Variants in C5orf22 observed in about 807,000 individuals in gnomAD.
The protein encoded by C5orf22 is UPF0489 protein C5orf22.
In C5orf22, 36 loss-of-function variants were observed where a neutral mutation model predicts 48.7. The ratio of observed to expected loss-of-function variants is 0.74; its 90% CI spans 0.57 to 0.98. The LOEUF is 0.98. Ranked by LOEUF, C5orf22 falls within the 50% of genes least tolerant of loss-of-function variation. The pLI is 0.00. For synonymous variants in C5orf22, 141 were observed against 180.8 expected, an observed-to-expected ratio of 0.78 and a Z score of 1.76; for missense variants, 486 against 521.9, an observed-to-expected ratio of 0.93 and a Z score of 0.67.
intron 3 of C5orf22, among the ~76,000 whole-genome samples, chr5:31,537,204 T>G (rs1314762340): frequency 6.6e-6 from 1 of 152,220 alleles, no homozygotes; most frequent in Non-Finnish European, 1.5e-5. Context: ...GACACAGACA[T>G]TTGAAACTCC....
intron 2 of C5orf22, 100 bp from the exon 3 acceptor site, chr5:31,535,644 A>T: frequency 1.1e-6 from 1 of 909,708 alleles, no homozygotes; most frequent in Middle Eastern, 3.4e-4. Context: ...TCTAGGGACC[A>T]CACTTTGAGA....
chr5:31,541,425 T>C (rs754507841), intron 6 of C5orf22, 23 bp downstream of exon 6: 40 of 1,608,962 alleles, frequency 2.5e-5, no homozygotes, highest in Non-Finnish European at 2.9e-5. Context: ...AACATTTTTT[T>C]CCCCCAACTC....
At chr5:31,542,730 A>G (rs758925193) in intron 6 of C5orf22, among the ~76,000 whole-genome samples, 78 of 152,230 alleles carry the variant, frequency 5.1e-4, no homozygotes, top group Non-Finnish European at 1.0e-3. Flanking sequence ...TTCTTAAATC[A>G]TGTAATCTCA....
intron 2 of C5orf22, chr5:31,534,933 A>C: frequency 2.3e-6 from 1 of 429,448 alleles, no homozygotes; most frequent in South Asian, 1.7e-5. Context: ...GCCAATGTTT[A>C]ATCCTTTTAA....
chr5:31,550,182 A>G (rs1377057911), intron 7 of C5orf22, among the ~76,000 whole-genome samples: 2 of 152,222 alleles, frequency 1.3e-5, no homozygotes, highest in Non-Finnish European at 2.9e-5. Context: ...AAAGCCTCCA[A>G]TAAAATATTT....
At chr5:31,535,136 AAGT>A in intron 2 of C5orf22, 2 of 386,986 alleles carry the variant, frequency 5.2e-6, no homozygotes, top group East Asian at 7.7e-5. Flanking sequence ...AAAACTTGAA[AAGT>A]AGTAGTTTAT....
rs1051724799 is a variant in C5orf22, at chr5:31,553,634, A to G, written c.*732A>G. ...CTAACATTCTCAAAAGCTACTACCA[A>G]AAAAACCCCACAAATTTGCCAATCC... is the stretch of plus-strand genomic sequence containing the variant. On this transcript the variant is annotated 3_prime_UTR_variant, in exon 9 of 9. Coordinates refer to ENST00000325366, the MANE Select transcript of C5orf22 (RefSeq NM_018356.3). 3.9e-5 allele frequency: 6 copies of G among 152,040 alleles called. No individual in the cohort carries two copies. Among genetic ancestry groups the G allele is most frequent in the African/African-American group, 1.4e-4 (6 of 41,394 alleles). 9.4% of individuals were successfully genotyped at this position (152,040 alleles called of 1,614,324 possible). A position where few individuals can be genotyped will look rare whatever the true frequency, so the allele number is the denominator to read the frequency against.
chr5:31,552,842 A>G lies in C5orf22; in HGVS notation c.1269A>G (p.Leu423=), dbSNP rs75506417. 22 of 1,613,722 alleles carry G rather than the reference A, an allele frequency of 1.4e-5. No individual in the cohort carries two copies. The East Asian group carries it at 4.0e-4, about 29-fold the overall frequency. The change falls in exon 9 of 9, where the codon CTA becomes CTG. Residue 423 remains leucine, a synonymous_variant. Transcript: ENST00000325366. ...TTCAAGAAAAGGTCCTCAATATGCT[A>G]CGTGCCCTCTATGGAAATCTAGACC... is the stretch of plus-strand genomic sequence containing the variant. The part of the protein sequence containing the change: ...DTIQEKVLNM[L]RALYGNLDLQ...
chr5:31,540,894 A>G, intron 4 of C5orf22, 55 bp from the exon 5 acceptor site: 2 of 1,312,126 alleles, frequency 1.5e-6, no homozygotes, highest in Admixed American at 3.6e-5. Context: ...GCATATCATT[A>G]AAAAATTTTA....
rs151196006 is a variant in C5orf22 at position 31,538,338 on chromosome 5, A to G, written c.456A>G (p.Leu152=). 3 of 1,613,922 alleles carry G rather than the reference A, an allele frequency of 1.9e-6. No homozygotes were observed. The African/African-American group carries it at 4.0e-5, about 22-fold the overall frequency. ...PEDQLENQKP[L]QLDVIMVKPY... is the part of the protein sequence containing the mutation. The stretch of plus-strand genomic sequence containing the variant: ...ACCAGCTAGAGAACCAAAAACCTTT[A>G]CAATTGGATGTAATTATGGTAAAAC... The change falls in exon 4 of 9, where the codon TTA becomes TTG. Residue 152 remains leucine (L), a synonymous_variant. Transcript: ENST00000325366.
At chr5:31,549,010 G>A (rs141707041) in intron 7 of C5orf22, among the ~76,000 whole-genome samples, 2,328 of 152,030 alleles carry the variant, frequency 0.015, 68 homozygotes, top group African/African-American at 0.053. Flanking sequence ...ACCTGAGATC[G>A]GGAGTTCGAG....
chr5:31,542,439 A>C (rs1388279702), intron 6 of C5orf22, among the ~76,000 whole-genome samples: 2 of 106,666 alleles, frequency 1.9e-5, no homozygotes, highest in African/African-American at 3.3e-5. Context: ...CAGCCTGTGG[A>C]GACTGGACTT....
Position 31,552,861 on chromosome 5 carries a change from C to A in C5orf22, c.1288C>A (p.Leu430Ile). The A allele has an allele frequency of 6.2e-7, 1 of 1,613,824 alleles. No homozygotes were observed. The highest frequency in any genetic ancestry group is 8.5e-7 in the Non-Finnish European group (1 of 1,179,778). Residue 430 changes from leucine (L) to isoleucine (I), a missense_variant, in exon 9 of 9, where the codon CTA (leucine) becomes ATA (isoleucine). By Grantham distance (5) the Leu-to-Ile change is conservative (BLOSUM62 2). Transcript: ENST00000325366. Reference sequence around the variant, plus strand: ...TATGCTACGTGCCCTCTATGGAAATCTAGACCTCCAAGTGTATGCAGCAGA... The same window carrying A: ...TATGCTACGTGCCCTCTATGGAAATATAGACCTCCAAGTGTATGCAGCAGA... ...LNMLRALYGN[L>I]DLQVYAAESP...
intron 2 of C5orf22, 129 bp from the exon 3 acceptor site, chr5:31,535,614 GA>G: frequency 1.7e-6 from 1 of 597,652 alleles, no homozygotes. Flanking sequence ...TGATGTCCCT[GA>G]AAAAGTCTCA....
At chr5:31,540,043 C>A (rs1742355835) in intron 4 of C5orf22, among the ~76,000 whole-genome samples, 1 of 151,990 alleles carries the variant, frequency 6.6e-6, no homozygotes, top group African/African-American at 2.4e-5. Context: ...AGCGAGACCC[C>A]ATCTCATAAA....
chr5:31,551,184 C>G (rs1743234930), intron 7 of C5orf22, 109 bp from the exon 8 acceptor site: 1 of 1,078,874 alleles, frequency 9.3e-7, no homozygotes, highest in South Asian at 1.5e-5. Flanking sequence ...ATATGCACAT[C>G]TTTTATGTAT....
At chr5:31,535,547 G>A (rs1229338369) in intron 2 of C5orf22, among the ~76,000 whole-genome samples, 197 bp from the exon 3 acceptor site, 1 of 152,140 alleles carries the variant, frequency 6.6e-6, no homozygotes, top group Non-Finnish European at 1.5e-5. Flanking sequence ...GCAAATGTCA[G>A]TAAATGAAAA....
chr5:31,545,525 T>G, intron 6 of C5orf22, 121 bp from the exon 7 acceptor site: 1 of 733,290 alleles, frequency 1.4e-6, no homozygotes, highest in South Asian at 1.6e-5. Context: ...TTATCTTTTA[T>G]TTCCCAAGTG....
chr5:31,541,728 A>C (rs954522471), intron 6 of C5orf22, among the ~76,000 whole-genome samples: 7 of 152,174 alleles, frequency 4.6e-5, no homozygotes, highest in Non-Finnish European at 1.0e-4. Context: ...GGCTGTGATC[A>C]TGCCACTGCA....
Sources: allele counts gnomAD v4.1 joint callset (sites outside exome capture counted in the v4.1 genomes callset), GRCh38; gene constraint gnomAD v4.1.1; transcripts MANE v1.5; gene names NCBI Gene and HGNC (gene_info 2026-07-23, HGNC 2026-07-21).